DENND1A: variants seen among roughly 807,000 people sequenced by gnomAD.
DENND1A encodes DENN domain-containing protein 1A.
In DENND1A, 51 loss-of-function variants were observed where a neutral mutation model predicts 113.7. The observed-to-expected ratio is 0.45, with a 90% CI of 0.36 to 0.57. The LOEUF (loss-of-function observed/expected upper bound fraction) is 0.57, where lower values mean the gene tolerates loss of function less well. Ranked by LOEUF, DENND1A falls within the 20% of genes least tolerant of loss-of-function variation. The probability of loss-of-function intolerance (pLI) is 0.00; values close to 1 mark genes in which losing one functional copy is unlikely to be tolerated. For missense variants in DENND1A, 1,258 were observed against 1,395.9 expected, an observed-to-expected ratio of 0.90 and a Z score of 1.57; for synonymous variants, 565 against 570.8, an observed-to-expected ratio of 0.99 and a Z score of 0.14.
chr9:123,608,328 G>C (rs981888266), intron 11 of DENND1A, among the ~76,000 whole-genome samples: 2 of 152,148 alleles, frequency 1.3e-5, no homozygotes, highest in African/African-American at 2.4e-5. Context: ...AGTGAAGCAG[G>C]TGGTCCTCGT....
At chr9:123,858,086 G>T (rs1182991138) in intron 2 of DENND1A, among the ~76,000 whole-genome samples, 1 of 149,090 alleles carries the variant, frequency 6.7e-6, no homozygotes, top group Non-Finnish European at 1.5e-5. Flanking sequence ...AGAAAAGAAA[G>T]AAAGAAACAT....
intron 1 of DENND1A, among the ~76,000 whole-genome samples, chr9:123,895,159 G>T (rs933092222): frequency 1.3e-5 from 2 of 151,704 alleles, no homozygotes; most frequent in Non-Finnish European, 2.9e-5. Context: ...CCCTTGAACT[G>T]CCAGCCTCAA....
intron 10 of DENND1A, among the ~76,000 whole-genome samples, chr9:123,624,148 C>G (rs1375161980): frequency 6.6e-6 from 1 of 152,180 alleles, no homozygotes. Flanking sequence ...TTTTCAGATT[C>G]CTTTTTGTGT....
intron 5 of DENND1A, among the ~76,000 whole-genome samples, chr9:123,744,250 T>C (rs1053377353): frequency 3.9e-5 from 6 of 152,212 alleles, no homozygotes; most frequent in Non-Finnish European, 8.8e-5. Context: ...TTTTACAAAA[T>C]GGAGATCACA....
intron 13 of DENND1A, among the ~76,000 whole-genome samples, chr9:123,499,520 A>G (rs1421525809): frequency 6.6e-6 from 1 of 152,212 alleles, no homozygotes; most frequent in African/African-American, 2.4e-5. Flanking sequence ...CTTTATATAT[A>G]TTAACTCAAC....
At chr9:123,794,430 T>C (rs906409171) in intron 2 of DENND1A, among the ~76,000 whole-genome samples, 1 of 152,200 alleles carries the variant, frequency 6.6e-6, no homozygotes, top group Admixed American at 6.5e-5. Context: ...AGCCACTAAA[T>C]CATCTAAGGC....
chr9:123,604,011 T>C (rs377758725), intron 11 of DENND1A, among the ~76,000 whole-genome samples: 86 of 152,360 alleles, frequency 5.6e-4, no homozygotes, highest in South Asian at 3.1e-3. Flanking sequence ...GTGTTTCTAA[T>C]GGCCCAGAAG....
intron 20 of DENND1A, among the ~76,000 whole-genome samples, chr9:123,408,128 G>T (rs1373666196): frequency 6.6e-6 from 1 of 152,114 alleles, no homozygotes; most frequent in African/African-American, 2.4e-5. Context: ...CTGGGCCAAC[G>T]GCTGCACTTC....
In DENND1A at chr9:123,407,072, CAACA is replaced by C. The variant is rs1181334238; in HGVS notation, c.1543-3586_1543-3583del. ...AGAGTGCCGCTGAATGGCTCAGCGC[CAACA>C]AACAAAAGGAATGGGTTGGCAATCA... On this transcript the variant is annotated intron_variant, in intron 20 of 23. Coordinates refer to ENST00000394215, the MANE Select transcript of DENND1A (RefSeq NM_001352964.2). Among the ~76,000 whole-genome samples, 4 of 145,634 alleles carry C rather than the reference CAACA, an allele frequency of 2.7e-5. No homozygotes were observed. In the East Asian group the frequency reaches 8.0e-4, roughly 29 times the overall value.
chr9:123,414,076 G>C, intron 19 of DENND1A: 1 of 993,180 alleles, frequency 1.0e-6, no homozygotes, highest in Non-Finnish European at 1.2e-6. Context: ...CTGGGTGGCA[G>C]TGCACCAGAG....
At chr9:123,393,141 A>C (rs1162647643) in intron 21 of DENND1A, among the ~76,000 whole-genome samples, 1 of 152,138 alleles carries the variant, frequency 6.6e-6, no homozygotes, top group South Asian at 2.1e-4. Context: ...AGCCCTCCTG[A>C]GAGTCTTATG....
chr9:123,728,732 T>C (rs2067935515), intron 5 of DENND1A, among the ~76,000 whole-genome samples: 1 of 152,116 alleles, frequency 6.6e-6, no homozygotes, highest in Non-Finnish European at 1.5e-5. Context: ...GATGCCACGA[T>C]TAAGACAGTA....
At chr9:123,823,547 A>G (rs775932882) in intron 2 of DENND1A, among the ~76,000 whole-genome samples, 4 of 152,230 alleles carry the variant, frequency 2.6e-5, no homozygotes, top group African/African-American at 9.6e-5. Context: ...TCATTCGGGT[A>G]TAAAAGGAAG....
intron 23 of DENND1A, 107 bp downstream of exon 23, chr9:123,383,548 A>C: frequency 6.7e-7 from 1 of 1,502,346 alleles, no homozygotes; most frequent in African/African-American, 1.4e-5. Context: ...AGGGTCTTGG[A>C]AAGTCACTGT....
At chr9:123,399,357 T>C (rs1334960285) in intron 21 of DENND1A, among the ~76,000 whole-genome samples, 1 of 152,090 alleles carries the variant, frequency 6.6e-6, no homozygotes, top group Non-Finnish European at 1.5e-5. Context: ...CCACCTACCT[T>C]TGACAATCTT....
intron 1 of DENND1A, among the ~76,000 whole-genome samples, chr9:123,926,072 G>A (rs993805195): frequency 6.6e-6 from 1 of 152,140 alleles, no homozygotes; most frequent in Admixed American, 6.5e-5. Flanking sequence ...CCAGTCCACT[G>A]GGATCATTCA....
intron 2 of DENND1A, among the ~76,000 whole-genome samples, chr9:123,803,703 T>C (rs1835073079): frequency 6.6e-6 from 1 of 152,234 alleles, no homozygotes; most frequent in Admixed American, 6.5e-5. Context: ...CCCATCAGCA[T>C]AGAAACATGC....
At chr9:123,448,502 G>A (rs141900173) in intron 18 of DENND1A, among the ~76,000 whole-genome samples, 20 of 152,250 alleles carry the variant, frequency 1.3e-4, no homozygotes, top group African/African-American at 4.6e-4. Context: ...TGATACCAAC[G>A]AGCCTACGAT....
At chr9:123,564,181 G>A (rs2057922515) in intron 12 of DENND1A, among the ~76,000 whole-genome samples, 1 of 152,182 alleles carries the variant, frequency 6.6e-6, no homozygotes, top group African/African-American at 2.4e-5. Flanking sequence ...CAGTTTACAT[G>A]TCTTTCTCCC....
Sources: allele counts gnomAD v4.1 joint callset (sites outside exome capture counted in the v4.1 genomes callset), GRCh38; gene constraint gnomAD v4.1.1; transcripts MANE v1.5; gene names NCBI Gene and HGNC (gene_info 2026-07-23, HGNC 2026-07-21).